The following TMPRSS15 variants were observed in gnomAD, a reference collection of about 807,000 sequenced individuals.
The protein encoded by TMPRSS15 is enteropeptidase.
TMPRSS15 carries 128 observed loss-of-function variants against 125.3 expected under a neutral mutation model. The observed-to-expected ratio is 1.02, with a 90% CI of 0.89 to 1.18. The LOEUF (loss-of-function observed/expected upper bound fraction) is 1.18. Ranked by LOEUF, TMPRSS15 falls within the 50% of genes most tolerant of loss-of-function variation. The probability of loss-of-function intolerance (pLI) is 0.00; values close to 1 mark genes in which losing one functional copy is unlikely to be tolerated. For missense variants in TMPRSS15, 1,283 were observed against 1,212.7 expected, an observed-to-expected ratio of 1.06 and a Z score of -0.86; for synonymous variants, 446 against 423.2, an observed-to-expected ratio of 1.05 and a Z score of -0.66.
At chr21:18,415,388 G>T (rs1265102285) in intron 1 of TMPRSS15, among the ~76,000 whole-genome samples, 1 of 151,960 alleles carries the variant, frequency 6.6e-6, no homozygotes, top group Non-Finnish European at 1.5e-5. Flanking sequence ...TTGCTTTTAT[G>T]TTCTATGATT....
At chr21:18,296,110 G>A (rs559794604) in intron 19 of TMPRSS15, among the ~76,000 whole-genome samples, 3 of 152,180 alleles carry the variant, frequency 2.0e-5, no homozygotes, top group East Asian at 3.9e-4. Context: ...CCGAGATCAC[G>A]CCACTGCACT....
intron 4 of TMPRSS15, among the ~76,000 whole-genome samples, chr21:18,380,202 C>CAT (rs1472487649): frequency 6.6e-6 from 1 of 151,226 alleles, no homozygotes; most frequent in African/African-American, 2.4e-5. Flanking sequence ...CACACACACA[C>CAT]ACACTCATAT....
intron 21 of TMPRSS15, 109 bp downstream of exon 21, chr21:18,294,161 G>T: frequency 7.8e-7 from 1 of 1,276,010 alleles, no homozygotes; most frequent in Non-Finnish European, 1.1e-6. Context: ...GTCATAAACA[G>T]CAGGATTTCC....
chr21:18,432,899 T>A (rs1298234360), intron 1 of TMPRSS15, among the ~76,000 whole-genome samples: 1 of 151,390 alleles, frequency 6.6e-6, no homozygotes, highest in Non-Finnish European at 1.5e-5. Flanking sequence ...CATGATGTGA[T>A]TTTTTTTCTT....
chr21:18,324,229 TTTA>T (rs2075267808), intron 16 of TMPRSS15, among the ~76,000 whole-genome samples: 1 of 152,196 alleles, frequency 6.6e-6, no homozygotes, highest in Admixed American at 6.5e-5. Context: ...TTCAGGAATG[TTTA>T]TTGTTTTCAA....
intron 1 of TMPRSS15, among the ~76,000 whole-genome samples, chr21:18,416,490 T>A (rs2076180536): frequency 6.6e-6 from 1 of 152,094 alleles, no homozygotes; most frequent in Non-Finnish European, 1.5e-5. Flanking sequence ...CTTACTATTA[T>A]CATAAGGCAT....
intron 23 of TMPRSS15, among the ~76,000 whole-genome samples, chr21:18,276,901 CAGGTGTGTA>C (rs1487379772): frequency 6.6e-6 from 1 of 151,656 alleles, no homozygotes; most frequent in Non-Finnish European, 1.5e-5. Context: ...CCTGGGATTA[CAGGTGTGTA>C]CCACCACGCC....
intron 1 of TMPRSS15, among the ~76,000 whole-genome samples, chr21:18,458,055 G>A (rs569433977): frequency 6.6e-6 from 1 of 152,222 alleles, no homozygotes; most frequent in Admixed American, 6.5e-5. Flanking sequence ...AGTGTGCTTG[G>A]TGCTACCATT....
At chr21:18,314,426 C>G (rs898970036) in intron 17 of TMPRSS15, among the ~76,000 whole-genome samples, 3 of 152,036 alleles carry the variant, frequency 2.0e-5, no homozygotes, top group Admixed American at 1.3e-4. Flanking sequence ...TTACAGGCAC[C>G]CACCACCACG....
intron 10 of TMPRSS15, among the ~76,000 whole-genome samples, chr21:18,344,432 T>G (rs1024410699): frequency 6.6e-6 from 1 of 152,190 alleles, no homozygotes; most frequent in African/African-American, 2.4e-5. Context: ...GAGATGCTGG[T>G]GGACTAACTC....
intron 1 of TMPRSS15, among the ~76,000 whole-genome samples, chr21:18,451,545 T>C (rs1264213280): frequency 6.6e-6 from 1 of 152,190 alleles, no homozygotes; most frequent in Non-Finnish European, 1.5e-5. Flanking sequence ...CATTGAGGTG[T>C]TTAAGCTGCT....
chr21:18,377,705 T>C (rs910478763), intron 5 of TMPRSS15, among the ~76,000 whole-genome samples: 2 of 152,148 alleles, frequency 1.3e-5, no homozygotes, highest in Non-Finnish European at 2.9e-5. Context: ...CTATCAATTA[T>C]ACATAATGTG....
rs1555906994 is a variant in TMPRSS15, at chr21:18,376,212, T to TTA, written c.532+3070_532+3071insTA. Among the ~76,000 whole-genome samples the TTA allele has an allele frequency of 8.0e-5, 12 of 150,706 alleles. 3 individuals are homozygous for TTA. The highest frequency in any genetic ancestry group is 2.9e-4 in the African/African-American group (12 of 40,916). On this transcript the variant is annotated intron_variant, in intron 5 of 24. Transcript: ENST00000284885. ...TAGAACAAATCTAGTTTTTTTTTTT[T>TTA]AAATTTTATTGTAAGCAAGACTATG...
chr21:18,315,476 G>A (rs1457054248), intron 16 of TMPRSS15, among the ~76,000 whole-genome samples: 2 of 96,024 alleles, frequency 2.1e-5, no homozygotes, highest in African/African-American at 6.6e-5. Context: ...ATGTACCGTA[G>A]AACTTAAAGT....
In TMPRSS15 at chr21:18,403,072, C is replaced by A. The variant is rs553648737; in HGVS notation, c.145+406G>T. On this transcript the variant is annotated intron_variant, in intron 1 of 24. Transcript: ENST00000284885. ...TAAACAATATTTTCTGTTAACTTTG[C>A]ATGTTTATCTACTTACATATTCAAC... 2.8e-3 allele frequency among the ~76,000 whole-genome samples: 425 copies of A among 152,182 alleles called. 2 individuals are homozygous for A. Among genetic ancestry groups the A allele is most frequent in the African/African-American group, 9.9e-3 (409 of 41,520 alleles).
At chr21:18,480,730 AT>A (rs1238765753) in intron 1 of TMPRSS15, among the ~76,000 whole-genome samples, 1 of 151,816 alleles carries the variant, frequency 6.6e-6, no homozygotes, top group Non-Finnish European at 1.5e-5. Flanking sequence ...TCTAAAAAAA[AT>A]CTATGTGACT....
chr21:18,281,254 C>T (rs747591470), intron 21 of TMPRSS15, 33 bp from the exon 22 acceptor site: 1 of 1,585,446 alleles, frequency 6.3e-7, no homozygotes, highest in Non-Finnish European at 8.7e-7. Context: ...ATGAGACACT[C>T]TCCATCCAAA....
intron 1 of TMPRSS15, among the ~76,000 whole-genome samples, chr21:18,437,348 G>A (rs2076230170): frequency 6.6e-6 from 1 of 152,026 alleles, no homozygotes; most frequent in African/African-American, 2.4e-5. Flanking sequence ...AGACTTAAAC[G>A]TTAGACCTAA....
intron 3 of TMPRSS15, among the ~76,000 whole-genome samples, chr21:18,396,808 G>GTCTATCTATCTATCTATCTATCTATCTA (rs3082172): frequency 1.9e-5 from 2 of 107,882 alleles, no homozygotes; most frequent in Non-Finnish European, 3.6e-5. Flanking sequence ...CTGTCTGTCT[G>GTCTATCTATCTATCTATCTATCTATCTA]TCTATCTATC....
Sources: gnomAD v4.1 joint callset for allele counts (sites outside exome capture counted in the v4.1 genomes callset) on GRCh38, gnomAD v4.1.1 for gene constraint, MANE v1.5 for transcripts, NCBI Gene and HGNC (gene_info 2026-07-23, HGNC 2026-07-21) for gene names.